GOLGB1: variants seen among roughly 807,000 people sequenced by gnomAD.
GOLGB1 encodes golgin subfamily B member 1.
A neutral mutation model predicts 336.9 loss-of-function variants in GOLGB1; 174 were observed. That is an observed-to-expected ratio of 0.52 (90% CI 0.46 to 0.59). GOLGB1 has a LOEUF of 0.59. GOLGB1 is among the 20% of genes least tolerant of loss of function. GOLGB1 has a pLI of 0.00. For missense variants in GOLGB1, 3,331 were observed against 3,645.3 expected (o/e 0.91, Z 2.22); for synonymous variants, 1,208 against 1,289.2 (o/e 0.94, Z 1.35).
chr3:121,699,667 C>A, intron 12 of GOLGB1, 145 bp downstream of exon 12: 1 of 470,632 alleles, frequency 2.1e-6, no homozygotes, highest in South Asian at 5.6e-5. Flanking sequence ...GATATAATAA[C>A]CATTATGAAT....
intron 1 of GOLGB1, among the ~76,000 whole-genome samples, chr3:121,734,389 C>A (rs1365839812): frequency 3.7e-5 from 2 of 54,468 alleles, no homozygotes; most frequent in Admixed American, 1.9e-4. Context: ...GACTCTGTCT[C>A]GGGAAAAAAA....
intron 6 of GOLGB1, 125 bp downstream of exon 6, chr3:121,722,137 G>A (rs904911130): frequency 3.5e-5 from 22 of 629,614 alleles, no homozygotes; most frequent in Non-Finnish European, 5.2e-5. Flanking sequence ...CTAATTTCTA[G>A]TGCAACACCC....
chr3:121,693,423 G>C (rs540151795), intron 13 of GOLGB1, among the ~76,000 whole-genome samples: 19 of 152,194 alleles, frequency 1.2e-4, no homozygotes, highest in Non-Finnish European at 2.8e-4. Context: ...AGGAGGCAGA[G>C]GTTGCAGTGA....
chr3:121,707,820 A>C (rs944427926), intron 10 of GOLGB1, among the ~76,000 whole-genome samples: 1 of 152,176 alleles, frequency 6.6e-6, no homozygotes, highest in African/African-American at 2.4e-5. Flanking sequence ...GGCAGAGTTG[A>C]GTACCTGCAA....
Position 121,698,756 on chromosome 3 carries a change from C to T in GOLGB1, c.1767G>A (p.Arg589=), listed in dbSNP as rs1299275135. ...AFLKLQLQGK[R]AEEADHEVLD... is the part of the protein sequence containing the mutation. ...GGACCTCATGATCTGCTTCCTCAGC[C>T]CTTTTTCCCTGGAGCTGTAATTTAA... The change falls in exon 13 of 22, where the codon AGG becomes AGA. Residue 589 remains arginine, a synonymous_variant. Transcript: ENST00000614479. The T allele has an allele frequency of 4.3e-6, 7 of 1,613,572 alleles. No homozygotes were observed. The highest frequency in any genetic ancestry group is 2.7e-5 in the African/African-American group (2 of 74,976).
intron 10 of GOLGB1, among the ~76,000 whole-genome samples, chr3:121,710,098 G>T (rs916463391): frequency 1.4e-5 from 2 of 143,060 alleles, no homozygotes; most frequent in South Asian, 2.2e-4. Context: ...AACTGGCACC[G>T]GGTGGAAAAA....
intron 1 of GOLGB1, among the ~76,000 whole-genome samples, chr3:121,740,242 G>A (rs982156641): frequency 6.6e-6 from 1 of 152,096 alleles, no homozygotes. Context: ...TAAAACTGGG[G>A]AATATATCTA....
In GOLGB1 at chr3:121,697,756, T is replaced by G; in HGVS notation, c.2767A>C (p.Asn923His). ...FSMTEKMVQL[N>H]EEKFSLGVEI... ...ACCCCAAGAGAAAACTTCTCTTCAT[T>G]AAGCTGAACCATTTTCTCAGTCATA... The change falls in exon 13 of 22, where the codon AAT becomes CAT. Residue 923 changes from asparagine (N) to histidine (H), a missense_variant. By Grantham distance (68) the Asn-to-His change is moderately conservative. Transcript: ENST00000614479. 2 of 1,613,944 alleles carry G rather than the reference T, an allele frequency of 1.2e-6. No individual in the cohort carries two copies. Among genetic ancestry groups the G allele is most frequent in the Non-Finnish European group, 1.7e-6 (2 of 1,179,832 alleles).
Position 121,729,725 on chromosome 3 carries a change from T to C in GOLGB1, c.249+140A>G, listed in dbSNP as rs545474468. Reference sequence around the variant, plus strand: ...AGCTACCACACCGACCCAAAAGTTATTTTCAGTAGGCATAAGGTTACAGTA... The same window carrying C: ...AGCTACCACACCGACCCAAAAGTTACTTTCAGTAGGCATAAGGTTACAGTA... On this transcript the variant is annotated intron_variant, in intron 3 of 21. Transcript: ENST00000614479. The C allele has an allele frequency of 3.0e-4, 193 of 638,412 alleles. 1 individual carries two copies. The highest frequency in any genetic ancestry group is 4.2e-4 in the Non-Finnish European group (161 of 383,788). 39.5% of individuals were successfully genotyped at this position (638,412 alleles called of 1,614,324 possible).
At chr3:121,700,105 A>G (rs977498193) in intron 11 of GOLGB1, among the ~76,000 whole-genome samples, 1 of 152,152 alleles carries the variant, frequency 6.6e-6, no homozygotes, top group African/African-American at 2.4e-5. Context: ...ACCTGAATGA[A>G]GTATACTAAA....
chr3:121,669,421 T>C (rs988294650), intron 17 of GOLGB1, 66 bp from the exon 18 acceptor site: 79 of 1,311,948 alleles, frequency 6.0e-5, no homozygotes, highest in African/African-American at 9.0e-5. Flanking sequence ...TGAAATGTTC[T>C]GAGTTTTCAG....
chr3:121,694,698 A>C lies in GOLGB1; in HGVS notation c.5825T>G (p.Ile1942Ser). 6.2e-7 allele frequency: 1 copy of C among 1,611,904 alleles called. No individual in the cohort carries two copies. The highest frequency in any genetic ancestry group is 8.5e-7 in the Non-Finnish European group (1 of 1,179,904). ...MNQLAELNGS[I>S]GNYCQDVTDA... ...TGTAACATCCTGACAGTAATTCCCA[A>C]TGCTTCCATTAAGTTCTGCTAATTG... The change falls in exon 13 of 22, where the codon ATT (isoleucine) becomes AGT (serine). Residue 1942 changes from isoleucine (I) to serine (S), a missense_variant. By Grantham distance (142) the Ile-to-Ser change is moderately radical (BLOSUM62 -2). Transcript: ENST00000614479.
At chr3:121,683,980 T>C (rs939081310) in intron 14 of GOLGB1, among the ~76,000 whole-genome samples, 2 of 151,600 alleles carry the variant, frequency 1.3e-5, no homozygotes, top group African/African-American at 4.8e-5. Flanking sequence ...ATATAAAAAT[T>C]AGCTGGGCGT....
chr3:121,734,348 C>T (rs932896121), intron 1 of GOLGB1, among the ~76,000 whole-genome samples: 2 of 148,464 alleles, frequency 1.3e-5, no homozygotes, highest in African/African-American at 5.0e-5. Flanking sequence ...TGAGATCATG[C>T]CACTGCACTC....
chr3:121,706,160 C>T lies in GOLGB1; in HGVS notation c.1405-3565G>A, dbSNP rs530463817. ...TTCAAAAAAAAAAAAAAATTAAAAGCCCATTAATGAGTTTTGGAACAACTT... is the reference window on the plus strand; with the variant it reads ...TTCAAAAAAAAAAAAAAATTAAAAGTCCATTAATGAGTTTTGGAACAACTT... On this transcript the variant is annotated intron_variant, in intron 10 of 21. Coordinates refer to ENST00000614479, the MANE Select transcript of GOLGB1 (RefSeq NM_001366282.2). Among the ~76,000 whole-genome samples, 9 of 151,570 alleles carry T rather than the reference C, an allele frequency of 5.9e-5. No homozygotes were observed. In the South Asian group the frequency reaches 1.9e-3, roughly 32 times the overall value.
intron 10 of GOLGB1, among the ~76,000 whole-genome samples, chr3:121,703,904 T>C (rs899604860): frequency 9.2e-5 from 14 of 152,022 alleles, no homozygotes; most frequent in Non-Finnish European, 1.5e-4. Flanking sequence ...TAAATGAATA[T>C]GCTCATAATG....
At position 121,701,916 on chromosome 3, in the gene GOLGB1, T is replaced by G. The variant is rs561902907; in HGVS notation, c.1519+565A>C. Among the ~76,000 whole-genome samples the G allele has an allele frequency of 4.6e-5, 7 of 152,186 alleles. No individual in the cohort carries two copies. In the East Asian group the frequency reaches 1.3e-3, roughly 29 times the overall value. On this transcript the variant is annotated intron_variant, in intron 11 of 21. Transcript: ENST00000614479. The stretch of plus-strand genomic sequence containing the variant: ...AGGATGTTATGGAAGCACAAAAAAA[T>G]CATTTAACCCAACTTTTGGGGACCA...
At chr3:121,739,968 C>T (rs1252656118) in intron 1 of GOLGB1, among the ~76,000 whole-genome samples, 3 of 152,148 alleles carry the variant, frequency 2.0e-5, no homozygotes, top group African/African-American at 7.2e-5. Flanking sequence ...CAAAAGGTTA[C>T]ATATTATACA....
chr3:121,718,432 C>T lies in GOLGB1; in HGVS notation c.841G>A (p.Asp281Asn), dbSNP rs1944935379. ...ESLVGRAQVV[D>N]LLQQELTAAE... ...GCAGTCAGCTCCTGTTGCAGCAAGTCAACGACCTGAGCACGGCCCACCAAG... is the reference window on the plus strand; with the variant it reads ...GCAGTCAGCTCCTGTTGCAGCAAGTTAACGACCTGAGCACGGCCCACCAAG... The change falls in exon 8 of 22, where the codon GAC (aspartate) becomes AAC (asparagine). Residue 281 changes from aspartate (D) to asparagine (N), a missense_variant. Coordinates refer to ENST00000614479, the MANE Select transcript of GOLGB1 (RefSeq NM_001366282.2). 2 of 1,613,872 alleles carry T rather than the reference C, an allele frequency of 1.2e-6. No individual in the cohort carries two copies. The highest frequency in any genetic ancestry group is 1.7e-5 in the Admixed American group (1 of 60,002).
Sources: gnomAD v4.1 joint callset for allele counts (sites outside exome capture counted in the v4.1 genomes callset) on GRCh38, gnomAD v4.1.1 for gene constraint, MANE v1.5 for transcripts, NCBI Gene and HGNC (gene_info 2026-07-23, HGNC 2026-07-21) for gene names.